The following LEPR variants were observed in gnomAD, a reference collection of about 807,000 sequenced individuals.
LEPR encodes leptin receptor, also known as OB receptor.
A neutral mutation model predicts 114.7 loss-of-function variants in LEPR; 56 were observed. That is an observed-to-expected ratio of 0.49 (90% CI 0.39 to 0.61). The LOEUF (loss-of-function observed/expected upper bound fraction) is 0.61, where lower values mean the gene tolerates loss of function less well. Ranked by LOEUF, LEPR falls within the 20% of genes least tolerant of loss-of-function variation. LEPR has a pLI of 0.00. For synonymous variants in LEPR, 443 were observed against 461.4 expected (o/e 0.96, Z 0.51); for missense variants, 1,202 against 1,352.9 (o/e 0.89, Z 1.75).
At chr1:65,424,042 T>C (rs1646307590) in intron 1 of LEPR, among the ~76,000 whole-genome samples, 1 of 152,214 alleles carries the variant, frequency 6.6e-6, no homozygotes, top group Non-Finnish European at 1.5e-5. Context: ...GAGGATTAGC[T>C]TCTACCCAAA....
At chr1:65,453,118 TG>T (rs1437144452) in intron 2 of LEPR, among the ~76,000 whole-genome samples, 1 of 152,260 alleles carries the variant, frequency 6.6e-6, no homozygotes, top group African/African-American at 2.4e-5. Flanking sequence ...GTGGGATTGG[TG>T]GTGATATCCC....
At chr1:65,635,641 T>G (rs929185396) in intron 19 of LEPR, among the ~76,000 whole-genome samples, 4 of 152,168 alleles carry the variant, frequency 2.6e-5, no homozygotes, top group African/African-American at 9.6e-5. Context: ...ACAATTATTT[T>G]ACTTTCATAC....
At chr1:65,602,779 T>G (rs936570197) in intron 10 of LEPR, among the ~76,000 whole-genome samples, 19 of 152,118 alleles carry the variant, frequency 1.2e-4, no homozygotes, top group Admixed American at 4.6e-4. Flanking sequence ...TGATCTGAAG[T>G]CTATTCCTAA....
intron 19 of LEPR, chr1:65,626,196 C>T: frequency 1.2e-6 from 2 of 1,603,418 alleles, no homozygotes; most frequent in Non-Finnish European, 1.7e-6. Flanking sequence ...TACGTCCTAC[C>T]TCGCTGCCGC....
At chr1:65,483,825 A>G (rs1014711214) in intron 2 of LEPR, among the ~76,000 whole-genome samples, 1 of 152,074 alleles carries the variant, frequency 6.6e-6, no homozygotes, top group Non-Finnish European at 1.5e-5. Context: ...GATTTCTCTG[A>G]TAATTTTATC....
chr1:65,558,539 T>G (rs1337678160), intron 2 of LEPR, among the ~76,000 whole-genome samples: 1 of 36,190 alleles, frequency 2.8e-5, no homozygotes, highest in African/African-American at 8.3e-5. Context: ...TTTTTTTTTG[T>G]TTTTTTTTTG....
chr1:65,636,535 T>C lies in LEPR; in HGVS notation c.3018T>C (p.Asn1006=). ...CTGGTGAAGAACAAGGGCTTATAAATAGTTCAGTCACCAAGTGCTTCTCTA... is the reference window on the plus strand; with the variant it reads ...CTGGTGAAGAACAAGGGCTTATAAACAGTTCAGTCACCAAGTGCTTCTCTA... ...SETGEEQGLI[N]SSVTKCFSSK... Residue 1006 remains asparagine (N), a synonymous_variant, in exon 20 of 20, where the codon AAT becomes AAC. Transcript: ENST00000349533. 1 of 1,614,116 alleles carries C rather than the reference T, an allele frequency of 6.2e-7. No homozygotes were observed. The highest frequency in any genetic ancestry group is 8.5e-7 in the Non-Finnish European group (1 of 1,180,010).
chr1:65,426,021 C>T lies in LEPR; in HGVS notation c.-21+643C>T, dbSNP rs115284652. ...AGAGTTTGTGTTTCAGTGGGGGAGA[C>T]GGACAGTAAACAACAAAAGTATGCA... is the stretch of plus-strand genomic sequence containing the variant. On this transcript the variant is annotated intron_variant, in intron 2 of 19. Coordinates refer to ENST00000349533, the MANE Select transcript of LEPR (RefSeq NM_002303.6). Among the ~76,000 whole-genome samples the T allele has an allele frequency of 5.3e-5, 8 of 152,052 alleles. No homozygotes were observed. In the South Asian group the frequency reaches 6.2e-4, roughly 12 times the overall value.
At chr1:65,619,857 T>G in intron 16 of LEPR, 71 bp from the exon 17 acceptor site, 1 of 1,185,502 alleles carries the variant, frequency 8.4e-7, no homozygotes, top group Admixed American at 1.8e-5. Context: ...TTAATTCTTT[T>G]TTAAAATGTA....
chr1:65,622,588 A>AT (rs1191671146), intron 18 of LEPR, among the ~76,000 whole-genome samples: 4 of 152,078 alleles, frequency 2.6e-5, no homozygotes, highest in African/African-American at 4.8e-5. Flanking sequence ...ATCAAATGGA[A>AT]TTTTTTCTGG....
intron 2 of LEPR, among the ~76,000 whole-genome samples, chr1:65,565,239 A>T (rs1653650389): frequency 6.6e-6 from 1 of 152,224 alleles, no homozygotes; most frequent in Non-Finnish European, 1.5e-5. Flanking sequence ...CAACATTGTG[A>T]GCACTTGCAT....
At chr1:65,551,071 T>G (rs1348719407) in intron 2 of LEPR, among the ~76,000 whole-genome samples, 4 of 152,144 alleles carry the variant, frequency 2.6e-5, no homozygotes, top group Non-Finnish European at 5.9e-5. Context: ...GAAGCCGACT[T>G]CATCGTGGTG....
chr1:65,570,764 T>G lies in LEPR; in HGVS notation c.332T>G (p.Phe111Cys). Residue 111 changes from phenylalanine to cysteine, a missense_variant, in exon 4 of 20, where the codon TTT (phenylalanine) becomes TGT (cysteine). Physicochemically the swap from Phe to Cys is radical, Grantham distance 205. Coordinates refer to ENST00000349533, the MANE Select transcript of LEPR (RefSeq NM_002303.6). ...GCAGACAACATTGAAGGAAAGACAT[T>G]TGTTTCAACAGTAAATTCTTTAGTT... ...LCADNIEGKT[F>C]VSTVNSLVFQ... The G allele has an allele frequency of 6.4e-7, 1 of 1,574,706 alleles. No individual in the cohort carries two copies. The highest frequency in any genetic ancestry group is 8.6e-7 in the Non-Finnish European group (1 of 1,159,354).
At chr1:65,514,831 G>C (rs1570590085) in intron 2 of LEPR, among the ~76,000 whole-genome samples, 1 of 152,084 alleles carries the variant, frequency 6.6e-6, no homozygotes, top group East Asian at 1.9e-4. Flanking sequence ...TATATTATTT[G>C]AGCAATTTCT....
intron 3 of LEPR, among the ~76,000 whole-genome samples, chr1:65,568,719 T>C (rs1042838927): frequency 2.0e-5 from 3 of 151,808 alleles, no homozygotes; most frequent in African/African-American, 7.3e-5. Context: ...TGAATGATAG[T>C]TCTACTTTTA....
chr1:65,423,800 T>C (rs913707163), intron 1 of LEPR, among the ~76,000 whole-genome samples: 10 of 152,226 alleles, frequency 6.6e-5, no homozygotes, highest in East Asian at 1.9e-4. Flanking sequence ...ATACTAATTA[T>C]GAGTATTATG....
chr1:65,601,960 G>A lies in LEPR; in HGVS notation c.1403G>A (p.Arg468Lys), dbSNP rs376545190. 1 of 1,611,726 alleles carries A rather than the reference G, an allele frequency of 6.2e-7. No individual in the cohort carries two copies. Among genetic ancestry groups the A allele is most frequent in the Non-Finnish European group, 8.5e-7 (1 of 1,178,072 alleles). The change falls in exon 10 of 20, where the codon AGG (arginine) becomes AAG (lysine). Residue 468 changes from arginine to lysine, a missense_variant and splice_region_variant. Arg to Lys is a conservative substitution (Grantham distance 26, BLOSUM62 2). Transcript: ENST00000349533. ...AESTLQLRYH[R>K]SSLYCSDIPS... Reference sequence around the variant, plus strand: ...AGCACTTTGCAATTGAGGTATCATAGGTACGTATTATTTTTGCTGTTTTGT... The same window carrying A: ...AGCACTTTGCAATTGAGGTATCATAAGTACGTATTATTTTTGCTGTTTTGT...
chr1:65,513,633 G>A (rs540782311), intron 2 of LEPR, among the ~76,000 whole-genome samples: 10 of 152,284 alleles, frequency 6.6e-5, no homozygotes, highest in African/African-American at 1.9e-4. Context: ...TTTGTGCTTC[G>A]TGAAAATTGG....
chr1:65,455,717 G>T lies in LEPR; in HGVS notation c.-21+30339G>T, dbSNP rs1203186758. Among the ~76,000 whole-genome samples, 4 of 152,234 alleles carry T rather than the reference G, an allele frequency of 2.6e-5. No homozygotes were observed. In the East Asian group the frequency reaches 7.7e-4, roughly 29 times the overall value. ...AGACAGGGACATTTAAGTCTGCAGA[G>T]GTTACTGCTGTCTTTTTGTTTGTCT... is the stretch of plus-strand genomic sequence containing the variant. On this transcript the variant is annotated intron_variant, in intron 2 of 19. Coordinates refer to ENST00000349533, the MANE Select transcript of LEPR (RefSeq NM_002303.6).
Sources: gnomAD v4.1 joint callset for allele counts (sites outside exome capture counted in the v4.1 genomes callset) on GRCh38, gnomAD v4.1.1 for gene constraint, MANE v1.5 for transcripts, NCBI Gene and HGNC (gene_info 2026-07-23, HGNC 2026-07-21) for gene names.